The following TUNAR variants were observed in gnomAD, a reference collection of about 807,000 sequenced individuals.
TUNAR encodes transmembrane neural differentiation associated intracellular calcium regulator, also known as protein TUNAR.
intron 2 of TUNAR, among the ~76,000 whole-genome samples, chr14:95,905,239 A>G (rs1331091008): frequency 1.3e-5 from 2 of 152,332 alleles, no homozygotes; most frequent in South Asian, 2.1e-4. Flanking sequence ...CCAACGTGTA[A>G]TACTATTAAC....
intron 2 of TUNAR, among the ~76,000 whole-genome samples, chr14:95,894,173 G>A (rs532989050): frequency 3.3e-5 from 5 of 152,230 alleles, no homozygotes; most frequent in East Asian, 1.9e-4. Flanking sequence ...TTAAGGTCCC[G>A]TGGGATGTTG....
At position 95,895,291 on chromosome 14, in the gene TUNAR, A is replaced by G. The variant is rs1889243951; in HGVS notation, c.12+18114A>G. Among the ~76,000 whole-genome samples, 2 of 152,194 alleles carry G rather than the reference A, an allele frequency of 1.3e-5. No homozygotes were observed. On this transcript the variant is annotated intron_variant, in intron 2 of 2. Coordinates refer to ENST00000678517, the Ensembl canonical transcript of TUNAR. This position sits in a 1 kb window ranked among gnomAD's most constrained non-coding sequence, Gnocchi z 4.5. ...GGGCCAGCGGGAAGGGCAGGAAGCTAGGACTGGGCAAGATAGAAAGATCTG... is the reference window on the plus strand; with the variant it reads ...GGGCCAGCGGGAAGGGCAGGAAGCTGGGACTGGGCAAGATAGAAAGATCTG...
intron 2 of TUNAR, among the ~76,000 whole-genome samples, chr14:95,911,013 A>G (rs1889503506): frequency 6.6e-6 from 1 of 152,258 alleles, no homozygotes; most frequent in Non-Finnish European, 1.5e-5. Flanking sequence ...TCTAATGCAT[A>G]CAAGAGTATA....
At chr14:95,912,915 C>T (rs1306984384) in intron 2 of TUNAR, among the ~76,000 whole-genome samples, 1 of 152,074 alleles carries the variant, frequency 6.6e-6, no homozygotes, top group Non-Finnish European at 1.5e-5. Context: ...CTCAGCCTCC[C>T]GAGTAGCTGG....
At chr14:95,888,865 G>A (rs1191088539) in intron 2 of TUNAR, among the ~76,000 whole-genome samples, 2 of 152,150 alleles carry the variant, frequency 1.3e-5, no homozygotes, top group African/African-American at 2.4e-5. Context: ...ATGCCAGTAC[G>A]TTTGAAGCCA....
intron 2 of TUNAR, among the ~76,000 whole-genome samples, chr14:95,907,178 G>T (rs2139665902): frequency 6.6e-6 from 1 of 152,170 alleles, no homozygotes; most frequent in East Asian, 1.9e-4. Context: ...ACATGCCATG[G>T]TTTATTCAGC....
chr14:95,884,190 C>T (rs765461330), intron 2 of TUNAR, among the ~76,000 whole-genome samples: 1 of 152,146 alleles, frequency 6.6e-6, no homozygotes, highest in East Asian at 1.9e-4. Flanking sequence ...TAAAGGATCT[C>T]ATTTCTCCTT....
intron 2 of TUNAR, among the ~76,000 whole-genome samples, chr14:95,913,741 T>TG (rs959192298): frequency 5.4e-5 from 8 of 147,492 alleles, no homozygotes; most frequent in African/African-American, 1.2e-4. Flanking sequence ...TGGACTGGAC[T>TG]TTTTTTTTTT....
chr14:95,902,574 A>G (rs1186074404), intron 2 of TUNAR, among the ~76,000 whole-genome samples: 8 of 152,224 alleles, frequency 5.3e-5, no homozygotes, highest in African/African-American at 1.7e-4. Flanking sequence ...GTGCTAGGAA[A>G]TCGCACTTAC....
At chr14:95,883,350 C>T (rs571846142) in intron 2 of TUNAR, among the ~76,000 whole-genome samples, 1 of 152,348 alleles carries the variant, frequency 6.6e-6, no homozygotes, top group African/African-American at 2.4e-5. Context: ...GCTGTCTCCT[C>T]CACAGAGCAT....
At chr14:95,914,928 C>G (rs1275773009) in intron 2 of TUNAR, among the ~76,000 whole-genome samples, 2 of 152,152 alleles carry the variant, frequency 1.3e-5, no homozygotes, top group Non-Finnish European at 2.9e-5. Flanking sequence ...CCGTGGTGCT[C>G]CCTTGCAGAG....
exon 3 of TUNAR, chr14:95,924,885 G>A (rs1234265065): frequency 2.6e-5 from 4 of 152,254 alleles, no homozygotes; most frequent in African/African-American, 9.6e-5. Context: ...GGCTTCTATA[G>A]TCTATGCCTG....
chr14:95,903,000 G>A (rs532632332), intron 2 of TUNAR, among the ~76,000 whole-genome samples: 8 of 152,294 alleles, frequency 5.3e-5, no homozygotes, highest in African/African-American at 1.4e-4. Context: ...AGAAAAAAAT[G>A]TGTACCAGAC....
At chr14:95,876,521 C>T (rs868351974) in exon 1 of TUNAR, 1 of 152,438 alleles carries the variant, frequency 6.6e-6, no homozygotes, top group Middle Eastern at 3.2e-3. Context: ...GCCGCCAGCC[C>T]CTTCCTCCTT....
chr14:95,922,723 G>C, intron 2 of TUNAR, 58 bp from the exon 2 acceptor site: 5 of 397,878 alleles, frequency 1.3e-5, no homozygotes, highest in Non-Finnish European at 2.2e-5. Context: ...GATCTGCCTG[G>C]CTATGGAGGG....
intron 2 of TUNAR, among the ~76,000 whole-genome samples, chr14:95,918,585 G>T (rs543905929): frequency 1.3e-5 from 2 of 152,192 alleles, no homozygotes; most frequent in African/African-American, 4.8e-5. Context: ...ACAAACACCC[G>T]AGGTGCAACT....
At chr14:95,891,198 A>G (rs2139656922) in intron 2 of TUNAR, among the ~76,000 whole-genome samples, 1 of 152,326 alleles carries the variant, frequency 6.6e-6, no homozygotes, top group African/African-American at 2.4e-5. Flanking sequence ...GATTTCTGAA[A>G]GTGCATCCCC....
intron 2 of TUNAR, among the ~76,000 whole-genome samples, chr14:95,900,995 T>G (rs975347165): frequency 6.6e-6 from 1 of 152,218 alleles, no homozygotes; most frequent in Non-Finnish European, 1.5e-5. Context: ...TTTTGTGCCC[T>G]TTACCTATTT....
At chr14:95,921,522 TAAA>T (rs1176276843) in intron 2 of TUNAR, among the ~76,000 whole-genome samples, 1 of 152,188 alleles carries the variant, frequency 6.6e-6, no homozygotes, top group Non-Finnish European at 1.5e-5. Flanking sequence ...TCTTCGAAAA[TAAA>T]AAGTTATTTT....
Sources: allele counts gnomAD v4.1 joint callset (sites outside exome capture counted in the v4.1 genomes callset), GRCh38; gene constraint gnomAD v4.1.1; non-coding constraint Gnocchi (gnomAD v3.1); transcripts MANE v1.5; gene names NCBI Gene and HGNC (gene_info 2026-07-23, HGNC 2026-07-21).